The following CCNJL variants were observed in gnomAD, a reference collection of about 807,000 sequenced individuals.
CCNJL encodes the protein cyclin J like, also known as cyclin-J-like protein.
Under a neutral mutation model 33.4 loss-of-function variants are expected in CCNJL, and 33 were observed. The observed-to-expected ratio is 0.99, with a 90% CI of 0.75 to 1.32. The LOEUF is 1.32. CCNJL is among the 40% of genes most tolerant of loss of function. The probability of loss-of-function intolerance (pLI) is 0.00; values close to 1 mark genes in which losing one functional copy is unlikely to be tolerated. For missense variants in CCNJL, 512 were observed against 499.7 expected (o/e 1.02, Z -0.23); for synonymous variants, 227 against 220.9 (o/e 1.03, Z -0.24).
chr5:160,283,956 C>CT (rs1422387281), intron 2 of CCNJL, among the ~76,000 whole-genome samples: 1 of 152,166 alleles, frequency 6.6e-6, no homozygotes. Flanking sequence ...GGATCTCACT[C>CT]TTTTTTACGG....
chr5:160,284,168 A>G (rs1270184059), intron 2 of CCNJL, among the ~76,000 whole-genome samples: 1 of 152,022 alleles, frequency 6.6e-6, no homozygotes, highest in African/African-American at 2.4e-5. Flanking sequence ...CCTGGGCAAC[A>G]TGGCAAAACC....
intron 1 of CCNJL, among the ~76,000 whole-genome samples, chr5:160,334,072 T>C (rs1334109380): frequency 6.6e-6 from 1 of 152,156 alleles, no homozygotes; most frequent in Non-Finnish European, 1.5e-5. Context: ...AAACCATCCA[T>C]TTCAGGAATC....
chr5:160,289,307 C>T (rs1055354989), intron 2 of CCNJL, among the ~76,000 whole-genome samples: 27 of 152,202 alleles, frequency 1.8e-4, no homozygotes, highest in African/African-American at 6.5e-4. Flanking sequence ...TGGTCCCTGG[C>T]ACAGAGTAAG....
chr5:160,298,186 GCT>G (rs1263199675), intron 2 of CCNJL, among the ~76,000 whole-genome samples: 1 of 152,134 alleles, frequency 6.6e-6, no homozygotes, highest in Non-Finnish European at 1.5e-5. Context: ...TGGTAGCCAT[GCT>G]ACCTACCCCA....
chr5:160,260,240 C>T (rs1425646890), intron 3 of CCNJL, among the ~76,000 whole-genome samples: 1 of 152,226 alleles, frequency 6.6e-6, no homozygotes, highest in African/African-American at 2.4e-5. Context: ...GGCCCTGTCC[C>T]TCCACGTGTA....
At chr5:160,333,203 A>G (rs1763633013) in intron 1 of CCNJL, among the ~76,000 whole-genome samples, 1 of 151,770 alleles carries the variant, frequency 6.6e-6, no homozygotes, top group African/African-American at 2.4e-5. Context: ...GCTCATTGCA[A>G]GCTCCGCCTC....
At chr5:160,269,312 G>C (rs1461175374) in intron 3 of CCNJL, 1 of 428,314 alleles carries the variant, frequency 2.3e-6, no homozygotes, top group South Asian at 1.7e-5. Flanking sequence ...CAGGGCCTGC[G>C]GGGTGGGGGC....
chr5:160,274,439 A>T lies in CCNJL; in HGVS notation c.280+6086T>A, dbSNP rs187018760. 1.5e-3 allele frequency among the ~76,000 whole-genome samples: 228 copies of T among 152,208 alleles called. 1 individual carries two copies. Among genetic ancestry groups the T allele is most frequent in the African/African-American group, 5.2e-3 (217 of 41,524 alleles). On this transcript the variant is annotated intron_variant, in intron 3 of 5. Transcript: ENST00000257536. ...ATGCCACTGCACTCCAGCCTAGGTG[A>T]CAGAGTGAGACCTCGTCTCAAAAAA... is the stretch of plus-strand genomic sequence containing the variant.
intron 1 of CCNJL, among the ~76,000 whole-genome samples, chr5:160,331,375 C>A (rs1334752291): frequency 6.6e-6 from 1 of 152,042 alleles, no homozygotes; most frequent in Admixed American, 6.6e-5. Context: ...AGGTGCCCAC[C>A]ACCACGCCCG....
intron 3 of CCNJL, among the ~76,000 whole-genome samples, chr5:160,273,797 C>A (rs1185039760): frequency 2.0e-5 from 3 of 151,900 alleles, no homozygotes; most frequent in African/African-American, 7.3e-5. Flanking sequence ...CAGGTGCCCA[C>A]CACCACAACC....
At chr5:160,268,588 A>T (rs772597181) in intron 3 of CCNJL, among the ~76,000 whole-genome samples, 23 of 152,314 alleles carry the variant, frequency 1.5e-4, no homozygotes, top group Non-Finnish European at 2.9e-4. Flanking sequence ...GGGACAAAGC[A>T]AGAAAACCCT....
intron 1 of CCNJL, among the ~76,000 whole-genome samples, chr5:160,319,378 T>G (rs920119505): frequency 6.6e-6 from 1 of 152,194 alleles, no homozygotes; most frequent in Non-Finnish European, 1.5e-5. Flanking sequence ...TGGATAAATA[T>G]GAGAAAATTT....
chr5:160,298,344 G>A (rs1401637663), intron 2 of CCNJL, among the ~76,000 whole-genome samples: 2 of 151,698 alleles, frequency 1.3e-5, no homozygotes, highest in Non-Finnish European at 2.9e-5. Context: ...GGGCAACAGA[G>A]AGAGACTCTA....
At chr5:160,283,432 G>A (rs189017928) in intron 2 of CCNJL, among the ~76,000 whole-genome samples, 1 of 152,160 alleles carries the variant, frequency 6.6e-6, no homozygotes, top group African/African-American at 2.4e-5. Context: ...GGTGATGATT[G>A]TATAGCTCTG....
intron 1 of CCNJL, among the ~76,000 whole-genome samples, chr5:160,324,149 A>T (rs567802574): frequency 1.3e-5 from 2 of 152,364 alleles, no homozygotes; most frequent in Admixed American, 1.3e-4. Context: ...AACTTGACTT[A>T]TACAAAGGGT....
chr5:160,314,219 T>C (rs1763350862), upstream of CCNJL, among the ~76,000 whole-genome samples: 1 of 152,212 alleles, frequency 6.6e-6, no homozygotes, highest in African/African-American at 2.4e-5. Context: ...TATTATCAAA[T>C]CTTAAAGCAT....
At chr5:160,297,842 T>C (rs1374894756) in intron 2 of CCNJL, among the ~76,000 whole-genome samples, 1 of 152,188 alleles carries the variant, frequency 6.6e-6, no homozygotes, top group Non-Finnish European at 1.5e-5. Context: ...AAGTTTGAAA[T>C]GATTTCAAAA....
rs531733352 is a variant in CCNJL, at chr5:160,326,261, G to C, written n.207-10756C>G. On this transcript the variant is annotated intron_variant and non_coding_transcript_variant, in intron 1 of 7. Transcript: ENST00000377503. The stretch of plus-strand genomic sequence containing the variant: ...AGGCTGAGGCAGGCGGATCACCTGA[G>C]GTCAGGAGTTTGAGACCAGCCTGGC... 1.7e-4 allele frequency among the ~76,000 whole-genome samples: 26 copies of C among 152,070 alleles called. No homozygotes were observed. The South Asian group carries it at 2.7e-3, about 16-fold the overall frequency.
upstream of CCNJL, among the ~76,000 whole-genome samples, chr5:160,315,159 AT>A (rs1179730820): frequency 1.3e-5 from 2 of 152,150 alleles, no homozygotes; most frequent in East Asian, 3.8e-4. Flanking sequence ...ATTGGAGAAA[AT>A]GTTTATAATT....
Sources: allele counts gnomAD v4.1 joint callset (sites outside exome capture counted in the v4.1 genomes callset), GRCh38; gene constraint gnomAD v4.1.1; transcripts MANE v1.5; gene names NCBI Gene and HGNC (gene_info 2026-07-23, HGNC 2026-07-21).